The following CFAP54 variants were observed in gnomAD, a reference collection of about 807,000 sequenced individuals.
CFAP54 encodes cilia- and flagella-associated protein 54.
CFAP54 carries 290 observed loss-of-function variants against 370.4 expected under a neutral mutation model. The ratio of observed to expected loss-of-function variants is 0.78; its 90% CI spans 0.71 to 0.86. The LOEUF (loss-of-function observed/expected upper bound fraction) is 0.86, where lower values mean the gene tolerates loss of function less well. Among genes scored for constraint, CFAP54 ranks in the 40% least tolerant of loss-of-function variants. The pLI is 0.00. For synonymous variants in CFAP54, 1,206 were observed against 1,236.5 expected, an observed-to-expected ratio of 0.98 and a Z score of 0.52; for missense variants, 3,399 against 3,528.7, an observed-to-expected ratio of 0.96 and a Z score of 0.93.
At chr12:96,645,885 C>A (rs1487314768) in intron 33 of CFAP54, 1 of 152,162 alleles carries the variant, frequency 6.6e-6, no homozygotes, top group Non-Finnish European at 1.5e-5. Flanking sequence ...GCTGGGAAAA[C>A]TTGCTAGCCA....
intron 9 of CFAP54, among the ~76,000 whole-genome samples, chr12:96,530,269 C>A (rs1955427664): frequency 6.6e-6 from 1 of 152,218 alleles, no homozygotes; most frequent in African/African-American, 2.4e-5. Flanking sequence ...ACGAGCTGAT[C>A]CCTTGAGCCC....
At chr12:96,657,510 C>A (rs1368936031) in intron 36 of CFAP54, among the ~76,000 whole-genome samples, 2 of 152,168 alleles carry the variant, frequency 1.3e-5, no homozygotes, top group Admixed American at 6.5e-5. Flanking sequence ...AGACAGTAAT[C>A]TGTGTTGTCC....
At chr12:96,522,753 G>A (rs533180988) in intron 8 of CFAP54, among the ~76,000 whole-genome samples, 2 of 152,284 alleles carry the variant, frequency 1.3e-5, no homozygotes, top group African/African-American at 4.8e-5. Flanking sequence ...GGGCCAGGCT[G>A]AAGAGCCGCC....
chr12:96,614,540 A>T (rs1035739026), intron 26 of CFAP54, among the ~76,000 whole-genome samples: 1 of 152,190 alleles, frequency 6.6e-6, no homozygotes, highest in Admixed American at 6.6e-5. Context: ...AAAGAAATAA[A>T]GGGTATTCAA....
Position 96,647,889 on chromosome 12 carries a change from A to T in CFAP54, c.4562A>T (p.Asp1521Val). 1.3e-6 allele frequency: 2 copies of T among 1,505,822 alleles called. No individual in the cohort carries two copies. The highest frequency in any genetic ancestry group is 2.6e-5 in the East Asian group (1 of 38,914). The allele number at this position is 1,505,822 out of a possible 1,614,324, so 93.3% of individuals were successfully genotyped here. The change falls in exon 34 of 68, where the codon GAT (aspartate) becomes GTT (valine). Residue 1521 changes from aspartate to valine, a missense_variant. Coordinates refer to ENST00000524981, the MANE Select transcript of CFAP54 (RefSeq NM_001306084.2). ...SHMMVSFRSC[D>V]PNMFSLYNSG... ...CCCCCTTGCAGTTTCCGATCATGTG[A>T]TCCTAACATGTTTTCACTGTATAAT...
At position 96,538,443 on chromosome 12, in the gene CFAP54, C is replaced by T; in HGVS notation, c.1851C>T (p.Cys617=). Residue 617 remains cysteine, a synonymous_variant, in exon 13 of 68, where the codon TGC becomes TGT. Transcript: ENST00000524981. ...CGATAATGTTCCTATGGCAGAAATGCAAATTAGGAATTCAGCGGCTCAATA... is the reference window on the plus strand; with the variant it reads ...CGATAATGTTCCTATGGCAGAAATGTAAATTAGGAATTCAGCGGCTCAATA... ...VDTIMFLWQK[C]KLGIQRLNIS... is the part of the protein sequence containing the mutation. 1.3e-6 allele frequency: 2 copies of T among 1,535,784 alleles called. No individual in the cohort carries two copies. The highest frequency in any genetic ancestry group is 1.7e-6 in the Non-Finnish European group (2 of 1,146,628).
At chr12:96,635,657 T>C (rs1956656205) in intron 32 of CFAP54, among the ~76,000 whole-genome samples, 1 of 152,190 alleles carries the variant, frequency 6.6e-6, no homozygotes, top group Non-Finnish European at 1.5e-5. Context: ...CAGAGGCCAC[T>C]CACAAATGTG....
At chr12:96,735,129 A>G (rs1357406473) in intron 50 of CFAP54, among the ~76,000 whole-genome samples, 1 of 152,256 alleles carries the variant, frequency 6.6e-6, no homozygotes, top group East Asian at 1.9e-4. Flanking sequence ...ATTCCCTGAT[A>G]GGTTCTCCAC....
chr12:96,686,724 AC>A (rs1296366619), intron 42 of CFAP54, among the ~76,000 whole-genome samples: 1 of 152,110 alleles, frequency 6.6e-6, no homozygotes, highest in African/African-American at 2.4e-5. Flanking sequence ...GTCAGGCCCC[AC>A]CTCCAATACT....
At chr12:96,514,934 C>T (rs1955213740) in intron 5 of CFAP54, among the ~76,000 whole-genome samples, 1 of 151,672 alleles carries the variant, frequency 6.6e-6, no homozygotes, top group African/African-American at 2.4e-5. Flanking sequence ...TAAATTTTGC[C>T]ACTAAAATTA....
chr12:96,585,514 C>T (rs1374707900), intron 22 of CFAP54, among the ~76,000 whole-genome samples: 1 of 152,068 alleles, frequency 6.6e-6, no homozygotes, highest in African/African-American at 2.4e-5. Flanking sequence ...CTTCCATTCC[C>T]CCACTTCACA....
intron 42 of CFAP54, among the ~76,000 whole-genome samples, chr12:96,686,286 G>T (rs1260060166): frequency 6.6e-6 from 1 of 152,088 alleles, no homozygotes; most frequent in African/African-American, 2.4e-5. Flanking sequence ...TTGGATTAGG[G>T]CCCACCTCTG....
intron 32 of CFAP54, 57 bp downstream of exon 32, chr12:96,630,708 G>T: frequency 8.8e-7 from 1 of 1,137,062 alleles, no homozygotes; most frequent in Non-Finnish European, 1.2e-6. Context: ...TATGTGTTGG[G>T]CATTATTTTG....
intron 4 of CFAP54, among the ~76,000 whole-genome samples, chr12:96,508,307 A>G (rs185549083): frequency 1.4e-4 from 20 of 138,780 alleles, no homozygotes; most frequent in Admixed American, 3.7e-4. Context: ...TTTTTTTGAG[A>G]TGGAGTCTCG....
intron 50 of CFAP54, among the ~76,000 whole-genome samples, chr12:96,727,662 C>T (rs1449660066): frequency 6.6e-6 from 1 of 151,298 alleles, no homozygotes; most frequent in African/African-American, 2.4e-5. Context: ...AATTGGAGCA[C>T]TTAGTCCATT....
At chr12:96,492,482 C>T (rs1184500836) in intron 1 of CFAP54, among the ~76,000 whole-genome samples, 1 of 152,184 alleles carries the variant, frequency 6.6e-6, no homozygotes, top group Non-Finnish European at 1.5e-5. Flanking sequence ...CAGTTGTCAC[C>T]TCCTTAGAGT....
At chr12:96,828,943 A>G in intron 65 of CFAP54, 71 bp from the exon 66 acceptor site, 1 of 754,520 alleles carries the variant, frequency 1.3e-6, no homozygotes, top group South Asian at 2.0e-5. Context: ...GAAATAGTTT[A>G]TAATTAAATA....
At chr12:96,873,732 T>G (rs1960221095) in intron 67 of CFAP54, among the ~76,000 whole-genome samples, 1 of 152,260 alleles carries the variant, frequency 6.6e-6, no homozygotes, top group South Asian at 2.1e-4. Context: ...GGCATAGATG[T>G]GTTCCAATAA....
At chr12:96,747,234 A>G (rs1360807614) in intron 55 of CFAP54, among the ~76,000 whole-genome samples, 3 of 152,214 alleles carry the variant, frequency 2.0e-5, no homozygotes, top group Non-Finnish European at 4.4e-5. Context: ...TTTTTATACA[A>G]TGGAAAGGTG....
Sources: gnomAD v4.1 joint callset for allele counts (sites outside exome capture counted in the v4.1 genomes callset) on GRCh38, gnomAD v4.1.1 for gene constraint, MANE v1.5 for transcripts, NCBI Gene and HGNC (gene_info 2026-07-23, HGNC 2026-07-21) for gene names.